Variants in NOX3 observed in about 807,000 individuals in gnomAD.
The protein encoded by NOX3 is NADPH oxidase 3, also known as NADPH oxidase catalytic subunit-like 3.
NOX3 carries 74 observed loss-of-function variants against 76.7 expected under a neutral mutation model. That is an observed-to-expected ratio of 0.96 (90% CI 0.80 to 1.17). NOX3 has a LOEUF of 1.17. Ranked by LOEUF, NOX3 falls within the 50% of genes most tolerant of loss-of-function variation. The pLI is 0.00. For missense variants in NOX3, 695 were observed against 703.3 expected (o/e 0.99, Z 0.13); for synonymous variants, 263 against 261.1 (o/e 1.01, Z -0.07).
intron 4 of NOX3, among the ~76,000 whole-genome samples, chr6:155,445,041 A>C (rs1582946946): frequency 6.6e-6 from 1 of 152,270 alleles, no homozygotes; most frequent in African/African-American, 2.4e-5. Flanking sequence ...AAGCTTAAGA[A>C]CCCAGCATCG....
Position 155,428,974 on chromosome 6 carries a change from T to C in NOX3, c.965A>G (p.Tyr322Cys). The C allele has an allele frequency of 6.2e-7, 1 of 1,613,930 alleles. No homozygotes were observed. The highest frequency in any genetic ancestry group is 2.2e-5 in the East Asian group (1 of 44,870). The part of the protein sequence containing the change: ...KRGFKMAPGQ[Y>C]ILVQCPAISS... ...TATGGCTGGGCACTGCACCAAGATG[T>C]ACTGCCCTGGCGCCATTTTAAAGCC... Residue 322 changes from tyrosine (Y) to cysteine (C), a missense_variant, in exon 9 of 14, where the codon TAC (tyrosine) becomes TGC (cysteine). By Grantham distance (194) the Tyr-to-Cys change is radical. Transcript: ENST00000159060.
chr6:155,398,382 T>G (rs1582922809), intron 12 of NOX3, among the ~76,000 whole-genome samples: 1 of 152,192 alleles, frequency 6.6e-6, no homozygotes, highest in East Asian at 1.9e-4. Flanking sequence ...ACATGGATCT[T>G]GCTGGGAAGT....
intron 4 of NOX3, among the ~76,000 whole-genome samples, chr6:155,451,738 C>T (rs961858517): frequency 3.9e-5 from 6 of 152,086 alleles, no homozygotes; most frequent in Non-Finnish European, 8.8e-5. Context: ...TATCCTCCCA[C>T]CAAAGCCTCC....
rs772286337 is a variant in NOX3, at chr6:155,411,328, T to C, written c.1341A>G (p.Arg447=). The C allele has an allele frequency of 1.9e-6, 3 of 1,613,868 alleles. No homozygotes were observed. Among genetic ancestry groups the C allele is most frequent in the Non-Finnish European group, 2.5e-6 (3 of 1,179,884 alleles). ...AGAGATCAGCAAACCACTCAAAAGC[T>C]CTTGCATCCCGGCAAATCCAGTAGA... ...VYFYWICRDA[R]AFEWFADLLL... is the part of the protein sequence containing the mutation. The change falls in exon 11 of 14, where the codon AGA becomes AGG. Residue 447 remains arginine, a synonymous_variant. Transcript: ENST00000159060.
intron 4 of NOX3, among the ~76,000 whole-genome samples, chr6:155,444,885 C>T (rs573247154): frequency 1.3e-5 from 2 of 152,288 alleles, no homozygotes; most frequent in South Asian, 4.2e-4. Flanking sequence ...TACACATTCA[C>T]ACATAAATTT....
intron 6 of NOX3, among the ~76,000 whole-genome samples, chr6:155,439,479 C>A (rs539056740): frequency 3.3e-5 from 5 of 152,144 alleles, no homozygotes; most frequent in Admixed American, 6.5e-5. Flanking sequence ...CTGAAGGGCT[C>A]ACTCTGATAA....
At chr6:155,436,216 T>C (rs1221171255) in intron 7 of NOX3, among the ~76,000 whole-genome samples, 1 of 152,190 alleles carries the variant, frequency 6.6e-6, no homozygotes, top group Non-Finnish European at 1.5e-5. Context: ...AGTAGAAGAA[T>C]ACATTTCAAA....
At chr6:155,417,860 T>C (rs1260276203) in intron 10 of NOX3, among the ~76,000 whole-genome samples, 3 of 152,182 alleles carry the variant, frequency 2.0e-5, no homozygotes, top group Non-Finnish European at 4.4e-5. Context: ...ATTTGAATTA[T>C]CTGTTTATTA....
At chr6:155,440,795 T>A (rs961438065) in intron 5 of NOX3, among the ~76,000 whole-genome samples, 2 of 152,248 alleles carry the variant, frequency 1.3e-5, no homozygotes, top group Non-Finnish European at 2.9e-5. Context: ...TTTTTAATCT[T>A]CAAAATAACT....
At position 155,445,981 on chromosome 6, in the gene NOX3, C is replaced by CTATAGA. The variant is rs553062264; in HGVS notation, c.341-2564_341-2563insTCTATA. Among the ~76,000 whole-genome samples the CTATAGA allele has an allele frequency of 1.3e-4, 14 of 104,212 alleles. No homozygotes were observed. The East Asian group carries it at 2.6e-3, about 19-fold the overall frequency. The allele number at this position is 104,212 out of a possible 152,430, so 68.4% of individuals were successfully genotyped here. Reference sequence around the variant, plus strand: ...GCTATATATATATAATATATATATGCTATATATATATATATAATATATATA... The same window carrying CTATAGA: ...GCTATATATATATAATATATATATGCTATAGATATATATATATATATAATATATATA... On this transcript the variant is annotated intron_variant, in intron 4 of 13. Coordinates refer to ENST00000159060, the MANE Select transcript of NOX3 (RefSeq NM_015718.3).
At chr6:155,412,724 G>A (rs1375795238) in intron 10 of NOX3, among the ~76,000 whole-genome samples, 1 of 152,144 alleles carries the variant, frequency 6.6e-6, no homozygotes, top group Non-Finnish European at 1.5e-5. Context: ...GACACCCTCT[G>A]AATCCCCATG....
chr6:155,412,267 T>C (rs1056951647), intron 10 of NOX3, among the ~76,000 whole-genome samples: 5 of 152,204 alleles, frequency 3.3e-5, no homozygotes, highest in African/African-American at 1.2e-4. Context: ...AAATACCTCA[T>C]CCAGTGATCA....
At chr6:155,438,677 G>T (rs1776941740) in intron 6 of NOX3, among the ~76,000 whole-genome samples, 1 of 152,220 alleles carries the variant, frequency 6.6e-6, no homozygotes, top group Admixed American at 6.5e-5. Context: ...GTTGTCTGTG[G>T]GCCCTACATG....
intron 9 of NOX3, among the ~76,000 whole-genome samples, chr6:155,426,863 T>C (rs1374110529): frequency 6.6e-6 from 1 of 151,822 alleles, no homozygotes; most frequent in East Asian, 1.9e-4. Flanking sequence ...GGAAGGGTGG[T>C]TGATAGAACA....
At chr6:155,403,200 T>C (rs1779257807) in intron 12 of NOX3, among the ~76,000 whole-genome samples, 2 of 152,262 alleles carry the variant, frequency 1.3e-5, no homozygotes, top group Admixed American at 1.3e-4. Flanking sequence ...CCGAGATTTC[T>C]TCATTAAAAG....
intron 7 of NOX3, among the ~76,000 whole-genome samples, chr6:155,433,980 G>A (rs1457515223): frequency 6.6e-6 from 1 of 152,172 alleles, no homozygotes; most frequent in African/African-American, 2.4e-5. Context: ...ATAAAACGAT[G>A]TTGATTCAAA....
intron 10 of NOX3, among the ~76,000 whole-genome samples, chr6:155,411,846 T>A: frequency 6.6e-6 from 1 of 152,148 alleles, no homozygotes. Flanking sequence ...TTATGGTAAT[T>A]TCAGAATCAA....
In NOX3 at chr6:155,441,506, C is replaced by T. The variant is rs530425928; in HGVS notation, c.487-1369G>A. Among the ~76,000 whole-genome samples the T allele has an allele frequency of 3.3e-5, 5 of 152,294 alleles. No homozygotes were observed. The East Asian group carries it at 9.7e-4, about 29-fold the overall frequency. On this transcript the variant is annotated intron_variant, in intron 5 of 13. Transcript: ENST00000159060. Reference sequence around the variant, plus strand: ...TTGCAACACATTTATAGACTGGTTACAGTTGCAATGTATCCTCCAAAACAA... The same window carrying T: ...TTGCAACACATTTATAGACTGGTTATAGTTGCAATGTATCCTCCAAAACAA...
intron 5 of NOX3, 40 bp from the exon 6 acceptor site, chr6:155,440,177 A>C (rs776473317): frequency 4.1e-5 from 61 of 1,479,930 alleles, no homozygotes; most frequent in South Asian, 2.8e-4. Flanking sequence ...AACAAACAAA[A>C]AAAAACACCT....
Sources: allele counts gnomAD v4.1 joint callset (sites outside exome capture counted in the v4.1 genomes callset), GRCh38; gene constraint gnomAD v4.1.1; transcripts MANE v1.5; gene names NCBI Gene and HGNC (gene_info 2026-07-23, HGNC 2026-07-21).